The following SPTBN4 variants were observed in gnomAD, a reference collection of about 807,000 sequenced individuals.
SPTBN4 encodes spectrin beta chain, non-erythrocytic 4.
In SPTBN4, 96 loss-of-function variants were observed where a neutral mutation model predicts 277.8. The observed-to-expected ratio is 0.35, with a 90% CI of 0.29 to 0.41. The LOEUF is 0.41. Among genes scored for constraint, SPTBN4 ranks in the 10% least tolerant of loss-of-function variants. The pLI, the probability that SPTBN4 is intolerant of heterozygous loss-of-function variation, is 1.00. For synonymous variants in SPTBN4, 1,481 were observed against 1,580.3 expected (o/e 0.94, Z 1.49); for missense variants, 3,006 against 3,595.7 (o/e 0.84, Z 4.19).
intron 14 of SPTBN4, among the ~76,000 whole-genome samples, chr19:40,514,971 G>A (rs2080437102): frequency 6.6e-6 from 1 of 152,124 alleles, no homozygotes; most frequent in South Asian, 2.1e-4. Context: ...TGGGCGTGGT[G>A]GCGCATGCTT....
chr19:40,496,579 C>T lies in SPTBN4; in HGVS notation c.669-910C>T, dbSNP rs1184797657. 5.9e-5 allele frequency among the ~76,000 whole-genome samples: 9 copies of T among 152,254 alleles called. No homozygotes were observed. In the South Asian group the frequency reaches 6.2e-4, roughly 11 times the overall value. On this transcript the variant is annotated intron_variant, in intron 6 of 35. Coordinates refer to ENST00000598249, the MANE Select transcript of SPTBN4 (RefSeq NM_020971.3). ...GATTACAGGGATGAGCCACCATGCC[C>T]GGCTGGCAGGTGCTATTATTATCCC...
At chr19:40,523,348 G>C (rs1177268142) in intron 16 of SPTBN4, 89 bp from the exon 17 acceptor site, 24 of 1,270,384 alleles carry the variant, frequency 1.9e-5, no homozygotes, top group Non-Finnish European at 2.6e-5. Context: ...GCAAGGTTGC[G>C]GGGAGTGGTG....
At chr19:40,510,055 G>A (rs1320895670) in intron 13 of SPTBN4, among the ~76,000 whole-genome samples, 1 of 152,074 alleles carries the variant, frequency 6.6e-6, no homozygotes, top group African/African-American at 2.4e-5. Context: ...AGTGTGGGGA[G>A]TGCGAGTGTG....
At chr19:40,522,348 A>AT (rs567161952) in intron 16 of SPTBN4, among the ~76,000 whole-genome samples, 1,320 of 117,672 alleles carry the variant, frequency 0.011, 22 homozygotes, top group Middle Eastern at 0.045. Context: ...ATAGTAACCA[A>AT]TTTTTTTTTT....
chr19:40,530,566 C>T (rs2080654662), intron 18 of SPTBN4: 4 of 980,614 alleles, frequency 4.1e-6, no homozygotes, highest in Admixed American at 6.3e-5. Flanking sequence ...GCAGGGACGC[C>T]CCGCCAACGC....
chr19:40,502,718 G>A lies in SPTBN4; in HGVS notation c.1204-57G>A. 2.5e-6 allele frequency: 4 copies of A among 1,587,464 alleles called. No homozygotes were observed. Among genetic ancestry groups the A allele is most frequent in the African/African-American group, 1.3e-5 (1 of 74,188 alleles). On this transcript the variant is annotated intron_variant, in intron 10 of 35. Coordinates refer to ENST00000598249, the MANE Select transcript of SPTBN4 (RefSeq NM_020971.3). The surrounding 1 kb of genome is among the most constrained non-coding windows in gnomAD (Gnocchi z 4.9). ...TATGAGTGACCTCAGACTAAGTCAA[G>A]ACCATTAAACTGTGGGGAGCTGTCA...
chr19:40,561,465 G>A (rs773292496), intron 27 of SPTBN4, among the ~76,000 whole-genome samples: 1 of 152,206 alleles, frequency 6.6e-6, no homozygotes, highest in Non-Finnish European at 1.5e-5. Context: ...GCCATGTGGT[G>A]AGCAAGGCCA....
At chr19:40,541,045 C>T (rs561064635) in intron 20 of SPTBN4, among the ~76,000 whole-genome samples, 31 of 152,190 alleles carry the variant, frequency 2.0e-4, no homozygotes, top group African/African-American at 6.5e-4. Flanking sequence ...TTTCTCAGTC[C>T]GATGGCTGGG....
chr19:40,545,374 G>A (rs569153998), intron 20 of SPTBN4, among the ~76,000 whole-genome samples: 122 of 151,740 alleles, frequency 8.0e-4, no homozygotes, highest in African/African-American at 2.9e-3. Context: ...GATTACAGGC[G>A]TGAGCCACTG....
At chr19:40,492,554 C>T (rs535728974) in intron 4 of SPTBN4, among the ~76,000 whole-genome samples, 2 of 152,110 alleles carry the variant, frequency 1.3e-5, no homozygotes, top group African/African-American at 4.8e-5. Flanking sequence ...AACAGAGATA[C>T]GGAGGGTGTT....
chr19:40,504,143 G>GGGGGGGGGGT lies in SPTBN4; in HGVS notation c.1665+15_1665+16insGGGGGTGGGG. 7.9e-7 allele frequency: 1 copy of GGGGGGGGGGT among 1,268,498 alleles called. No individual in the cohort carries two copies. The highest frequency in any genetic ancestry group is 1.1e-6 in the Non-Finnish European group (1 of 898,142). The allele number at this position is 1,268,498 out of a possible 1,614,324, so 78.6% of individuals were successfully genotyped here. A position where few individuals can be genotyped will look rare whatever the true frequency, so the allele number is the denominator to read the frequency against. On this transcript the variant is annotated intron_variant, in intron 12 of 35. Transcript: ENST00000598249. Reference sequence around the variant, plus strand: ...ATGGAGGAGATGCAGGTGCCGGCGGGGGGGCGGGGATGCGGGTGGAGTGCC... The same window carrying GGGGGGGGGGT: ...ATGGAGGAGATGCAGGTGCCGGCGGGGGGGGGGGGTGGGGCGGGGATGCGGGTGGAGTGCC...
At chr19:40,518,520 CT>C (rs2145874690) in intron 15 of SPTBN4, among the ~76,000 whole-genome samples, 1 of 152,094 alleles carries the variant, frequency 6.6e-6, no homozygotes, top group African/African-American at 2.4e-5. Context: ...GCAGCCTCGA[CT>C]TCGCAGGCTC....
chr19:40,526,167 C>CTTTT lies in SPTBN4; in HGVS notation c.3857+2548_3857+2551dup, dbSNP rs1168105162. ...TGGAACCTGTGTGTGAGGTGCTGTT[C>CTTTT]TTTTTTTTTTTTTTTTTTTTTTTGA... On this transcript the variant is annotated intron_variant, in intron 17 of 35. Coordinates refer to ENST00000598249, the MANE Select transcript of SPTBN4 (RefSeq NM_020971.3). Among the ~76,000 whole-genome samples the CTTTT allele has an allele frequency of 7.4e-4, 69 of 93,146 alleles. 1 individual carries two copies. Among genetic ancestry groups the CTTTT allele is most frequent in the Non-Finnish European group, 8.6e-4 (42 of 48,886 alleles). The allele number at this position is 93,146 out of a possible 152,430, so 61.1% of individuals were successfully genotyped here.
chr19:40,570,954 A>G (rs1314696055), intron 33 of SPTBN4: 3 of 485,786 alleles, frequency 6.2e-6, no homozygotes, highest in Non-Finnish European at 1.1e-5. Flanking sequence ...CCGTGGGGGT[A>G]GTAGGTGGGG....
intron 4 of SPTBN4, among the ~76,000 whole-genome samples, chr19:40,492,041 C>CAAA (rs56708259): frequency 7.2e-6 from 1 of 139,780 alleles, no homozygotes; most frequent in South Asian, 2.2e-4. Flanking sequence ...AAAAACAAAA[C>CAAA]AAAAAAAAAA....
rs1219622263 is a variant in SPTBN4 at position 40,576,174 on chromosome 19, C to T, written c.*605C>T. 1 of 152,606 alleles carries T rather than the reference C, an allele frequency of 6.6e-6. No homozygotes were observed. Among genetic ancestry groups the T allele is most frequent in the East Asian group, 1.9e-4 (1 of 5,206 alleles). The allele number at this position is 152,606 out of a possible 1,614,324, so 9.5% of individuals were successfully genotyped here. On this transcript the variant is annotated 3_prime_UTR_variant, in exon 36 of 36. Transcript: ENST00000598249. Reference sequence around the variant, plus strand: ...ATTTTTGCAAAACGTCGATCTCCTCCTCCCCCGCCCCGCATCCGCGAAGGC... The same window carrying T: ...ATTTTTGCAAAACGTCGATCTCCTCTTCCCCCGCCCCGCATCCGCGAAGGC...
At chr19:40,501,231 T>TC (rs1311597724) in intron 7 of SPTBN4, among the ~76,000 whole-genome samples, 6 of 147,916 alleles carry the variant, frequency 4.1e-5, no homozygotes, top group African/African-American at 1.5e-4. Flanking sequence ...AGAGCCAGAC[T>TC]CCATCTCTTG....
chr19:40,545,688 A>G (rs2145918374), intron 20 of SPTBN4, among the ~76,000 whole-genome samples: 1 of 152,030 alleles, frequency 6.6e-6, no homozygotes, highest in Non-Finnish European at 1.5e-5. Flanking sequence ...TGGGTGGATC[A>G]CCTGTAGTCA....
chr19:40,560,608 C>T lies in SPTBN4; in HGVS notation c.5915+205C>T, dbSNP rs1452016424. The T allele has an allele frequency of 6.9e-7, 1 of 1,444,026 alleles. No homozygotes were observed. The highest frequency in any genetic ancestry group is 9.1e-7 in the Non-Finnish European group (1 of 1,102,330). The allele number at this position is 1,444,026 out of a possible 1,614,324, so 89.5% of individuals were successfully genotyped here. On this transcript the variant is annotated intron_variant, in intron 27 of 35. Transcript: ENST00000598249. The surrounding 1 kb of genome is among the most constrained non-coding windows in gnomAD (Gnocchi z 5.2). ...GTCATTGGGGACTTCGGTCATGGGG[C>T]ATCCTTCTGTCCGCTGTCCTTCCCA... is the stretch of plus-strand genomic sequence containing the variant.
Sources: allele counts gnomAD v4.1 joint callset (sites outside exome capture counted in the v4.1 genomes callset), GRCh38; gene constraint gnomAD v4.1.1; non-coding constraint Gnocchi (gnomAD v3.1); transcripts MANE v1.5; gene names NCBI Gene and HGNC (gene_info 2026-07-23, HGNC 2026-07-21).